The following HNRNPC variants were observed in gnomAD, a reference collection of about 807,000 sequenced individuals.
The protein encoded by HNRNPC is heterogeneous nuclear ribonucleoprotein C.
In HNRNPC, 3 loss-of-function variants were observed where a neutral mutation model predicts 33.2. The ratio of observed to expected loss-of-function variants is 0.09; its 90% CI spans 0.04 to 0.23. The LOEUF is 0.23. Ranked by LOEUF, HNRNPC falls within the 10% of genes least tolerant of loss-of-function variation. HNRNPC has a pLI of 1.00. For missense variants in HNRNPC, 143 were observed against 366.7 expected, an observed-to-expected ratio of 0.39 and a Z score of 4.98; for synonymous variants, 121 against 126.7, an observed-to-expected ratio of 0.96 and a Z score of 0.30.
chr14:21,215,140 T>C (rs1401699195), intron 5 of HNRNPC, among the ~76,000 whole-genome samples: 1 of 152,222 alleles, frequency 6.6e-6, no homozygotes, highest in Non-Finnish European at 1.5e-5. Context: ...TCTCTACTTT[T>C]CTGAAGAAAA....
At chr14:21,268,492 A>G (rs1169292654) in intron 1 of HNRNPC, 3 of 152,202 alleles carry the variant, frequency 2.0e-5, no homozygotes, top group African/African-American at 7.2e-5. Flanking sequence ...GTATTCCATT[A>G]ACTAGGTAAA....
chr14:21,254,936 A>C (rs961852970), intron 2 of HNRNPC, among the ~76,000 whole-genome samples: 1 of 151,910 alleles, frequency 6.6e-6, no homozygotes, highest in Non-Finnish European at 1.5e-5. Context: ...AAAAAAACAA[A>C]AAAAAAAACC....
intron 2 of HNRNPC, among the ~76,000 whole-genome samples, chr14:21,258,023 ATATT>A (rs1056633636): frequency 1.2e-4 from 18 of 152,194 alleles, no homozygotes; most frequent in Middle Eastern, 3.2e-3. Context: ...AAATATAAAC[ATATT>A]TAGTTTTAAA....
intron 4 of HNRNPC, 52 bp downstream of exon 4, chr14:21,230,945 T>C (rs1247978097): frequency 1.2e-6 from 2 of 1,604,306 alleles, no homozygotes; most frequent in Non-Finnish European, 8.5e-7. Context: ...TTATAAATAA[T>C]AAAGTTCCGG....
At chr14:21,263,882 C>A (rs746444002) in intron 1 of HNRNPC, 1 of 152,016 alleles carries the variant, frequency 6.6e-6, no homozygotes, top group Non-Finnish European at 1.5e-5. Context: ...AATGTTGTGC[C>A]CTAAACCCCC....
chr14:21,246,694 TTC>T (rs1250686587), intron 2 of HNRNPC, among the ~76,000 whole-genome samples: 1 of 152,208 alleles, frequency 6.6e-6, no homozygotes, highest in Non-Finnish European at 1.5e-5. Flanking sequence ...GATGCTACTT[TTC>T]TGTTTACTTT....
intron 2 of HNRNPC, among the ~76,000 whole-genome samples, chr14:21,258,843 GTTA>G (rs1233586555): frequency 1.3e-5 from 2 of 152,184 alleles, no homozygotes; most frequent in Non-Finnish European, 2.9e-5. Context: ...ACCAGGGCAA[GTTA>G]TTGTTAGGCT....
intron 5 of HNRNPC, among the ~76,000 whole-genome samples, chr14:21,225,265 A>G (rs1732626245): frequency 6.6e-6 from 1 of 150,866 alleles, no homozygotes; most frequent in African/African-American, 2.4e-5. Context: ...TACTAACAAT[A>G]CAAAAAAAAA....
rs536517873 is a variant in HNRNPC at position 21,218,789 on chromosome 14, C to T, written c.366-5672G>A. ...CCAAGGCAGGCAGATCGCTTGAGCCCAAGAGTTCAAGACCAGCCTGTGAGA... is the reference window on the plus strand; with the variant it reads ...CCAAGGCAGGCAGATCGCTTGAGCCTAAGAGTTCAAGACCAGCCTGTGAGA... On this transcript the variant is annotated intron_variant, in intron 5 of 8. Transcript: ENST00000553300. Among the ~76,000 whole-genome samples the T allele has an allele frequency of 2.7e-5, 4 of 149,504 alleles. No individual in the cohort carries two copies. In the East Asian group the frequency reaches 8.0e-4, roughly 30 times the overall value.
chr14:21,213,054 C>G lies in HNRNPC; in HGVS notation c.429G>C (p.Ser143=), dbSNP rs61745722. The change falls in exon 6 of 9, where the codon TCG becomes TCC. Residue 143 remains serine (S), a synonymous_variant. Transcript: ENST00000553300. ...PPPIARAVVP[S]KRQRVSGNTS... is the part of the protein sequence containing the mutation. Reference sequence around the variant, plus strand: ...TGTTTCCTGATACACGCTGACGTTTCGAGGGCACTACAGCCCGAGCAATAG... The same window carrying G: ...TGTTTCCTGATACACGCTGACGTTTGGAGGGCACTACAGCCCGAGCAATAG... 2 of 1,613,814 alleles carry G rather than the reference C, an allele frequency of 1.2e-6. No homozygotes were observed. Among genetic ancestry groups the G allele is most frequent in the Non-Finnish European group, 1.7e-6 (2 of 1,179,882 alleles).
Position 21,223,099 on chromosome 14 carries a change from C to T in HNRNPC, c.365+7220G>A, listed in dbSNP as rs373015058. ...TGCATGCCTGTAATCCCAGCTACTC[C>T]GGAAGCTGAGCCAGAAGAATCACTT... On this transcript the variant is annotated intron_variant, in intron 5 of 8. Transcript: ENST00000553300. Among the ~76,000 whole-genome samples, 5 of 151,764 alleles carry T rather than the reference C, an allele frequency of 3.3e-5. No individual in the cohort carries two copies. The East Asian group carries it at 5.8e-4, about 18-fold the overall frequency.
intron 2 of HNRNPC, among the ~76,000 whole-genome samples, chr14:21,245,571 A>G (rs1428193247): frequency 6.6e-6 from 1 of 152,178 alleles, no homozygotes. Flanking sequence ...TTAGGACTGA[A>G]CGTTGCTTTT....
intron 2 of HNRNPC, 81 bp from the exon 3 acceptor site, chr14:21,234,310 G>T: frequency 7.8e-7 from 1 of 1,289,776 alleles, no homozygotes; most frequent in Non-Finnish European, 1.1e-6. Flanking sequence ...CTCTCACTCT[G>T]AATCACTGTT....
intron 5 of HNRNPC, among the ~76,000 whole-genome samples, chr14:21,225,981 A>G (rs1893376148): frequency 6.6e-6 from 1 of 152,138 alleles, no homozygotes; most frequent in South Asian, 2.1e-4. Flanking sequence ...AAACACATAT[A>G]GATCAAGACT....
At chr14:21,267,108 A>C (rs1032515962) in intron 1 of HNRNPC, among the ~76,000 whole-genome samples, 7 of 65,028 alleles carry the variant, frequency 1.1e-4, no homozygotes, top group African/African-American at 3.9e-4. Flanking sequence ...AAAAAAAAAA[A>C]AAAAAAAAAA....
chr14:21,215,918 G>GAAA (rs1566596069), intron 5 of HNRNPC, among the ~76,000 whole-genome samples: 1 of 135,024 alleles, frequency 7.4e-6, no homozygotes, highest in African/African-American at 2.9e-5. Flanking sequence ...AAAAAGAAAG[G>GAAA]AAGAAAGAAA....
chr14:21,255,470 C>T (rs558748752), intron 2 of HNRNPC, among the ~76,000 whole-genome samples: 4 of 152,320 alleles, frequency 2.6e-5, no homozygotes, highest in South Asian at 2.1e-4. Flanking sequence ...ACAGGCAACA[C>T]GGTAGTCTAT....
At chr14:21,214,540 C>T (rs1891946736) in intron 5 of HNRNPC, among the ~76,000 whole-genome samples, 1 of 152,058 alleles carries the variant, frequency 6.6e-6, no homozygotes, top group African/African-American at 2.4e-5. Flanking sequence ...ACCATGACTG[C>T]ACCACTGCAC....
chr14:21,241,355 A>G (rs773616311), intron 2 of HNRNPC, among the ~76,000 whole-genome samples: 5 of 152,034 alleles, frequency 3.3e-5, no homozygotes, highest in Admixed American at 6.6e-5. Flanking sequence ...TATACTAAAT[A>G]TGCTATATAT....
Sources: allele counts gnomAD v4.1 joint callset (sites outside exome capture counted in the v4.1 genomes callset), GRCh38; gene constraint gnomAD v4.1.1; transcripts MANE v1.5; gene names NCBI Gene and HGNC (gene_info 2026-07-23, HGNC 2026-07-21).